Variants in SLC12A1 observed in about 807,000 individuals in gnomAD.
SLC12A1 encodes solute carrier family 12 member 1.
A neutral mutation model predicts 130.4 loss-of-function variants in SLC12A1; 89 were observed. The observed-to-expected ratio is 0.68, with a 90% CI of 0.58 to 0.81. The LOEUF (loss-of-function observed/expected upper bound fraction) is 0.81, where lower values mean the gene tolerates loss of function less well. Ranked by LOEUF, SLC12A1 falls within the 40% of genes least tolerant of loss-of-function variation. The pLI, the probability that SLC12A1 is intolerant of heterozygous loss-of-function variation, is 0.00. For missense variants in SLC12A1, 1,310 were observed against 1,336.4 expected (o/e 0.98, Z 0.31); for synonymous variants, 499 against 460.0 (o/e 1.08, Z -1.09).
At chr15:48,217,554 C>T (rs2041139084) in intron 2 of SLC12A1, among the ~76,000 whole-genome samples, 1 of 152,206 alleles carries the variant, frequency 6.6e-6, no homozygotes, top group Non-Finnish European at 1.5e-5. Context: ...TCAATCTCCT[C>T]TGTTATTCCA....
intron 21 of SLC12A1, 41 bp from the exon 22 acceptor site, chr15:48,288,002 C>T: frequency 1.3e-6 from 2 of 1,587,732 alleles, no homozygotes; most frequent in Non-Finnish European, 1.7e-6. Flanking sequence ...TGTTTCTGCC[C>T]TCAAAAGCAA....
intron 2 of SLC12A1, among the ~76,000 whole-genome samples, chr15:48,220,007 G>A (rs1340520165): frequency 6.6e-6 from 1 of 151,624 alleles, no homozygotes; most frequent in African/African-American, 2.4e-5. Flanking sequence ...TACTCGGGAG[G>A]CTAAGGCACA....
intron 17 of SLC12A1, among the ~76,000 whole-genome samples, chr15:48,260,961 G>A (rs2041767993): frequency 6.6e-6 from 1 of 152,146 alleles, no homozygotes; most frequent in Non-Finnish European, 1.5e-5. Context: ...CAATTATCTG[G>A]TAGGAGATGG....
At chr15:48,301,502 T>TGGCGGG in intron 26 of SLC12A1, 120 bp downstream of exon 26, 1 of 429,450 alleles carries the variant, frequency 2.3e-6, no homozygotes, top group Non-Finnish European at 3.7e-6. Context: ...GTGTTTTTTT[T>TGGCGGG]GGGGGGGGGA....
chr15:48,287,587 C>T (rs778513983), intron 21 of SLC12A1, among the ~76,000 whole-genome samples: 12 of 152,230 alleles, frequency 7.9e-5, no homozygotes, highest in Admixed American at 1.3e-4. Context: ...CCCTAATGAA[C>T]GGATATTTCT....
chr15:48,293,780 C>T (rs1488308912), intron 24 of SLC12A1, among the ~76,000 whole-genome samples: 1 of 152,158 alleles, frequency 6.6e-6, no homozygotes, highest in African/African-American at 2.4e-5. Context: ...CGCTGTGGCT[C>T]ACGCCTGTAA....
chr15:48,220,619 A>G lies in SLC12A1; in HGVS notation c.421-15A>G, dbSNP rs148912103. The G allele has an allele frequency of 9.3e-6, 15 of 1,609,674 alleles. No individual in the cohort carries two copies. In the East Asian group the frequency reaches 2.2e-4, roughly 24 times the overall value. On this transcript the variant is annotated splice_polypyrimidine_tract_variant and intron_variant, in intron 2 of 26. Transcript: ENST00000380993. ...ATTGACCAACTACTGTGTTTTTGCTATCTATAAAATGCAGAATGTGGCAGT... is the reference window on the plus strand; with the variant it reads ...ATTGACCAACTACTGTGTTTTTGCTGTCTATAAAATGCAGAATGTGGCAGT...
intron 4 of SLC12A1, 53 bp downstream of exon 4, chr15:48,221,049 A>G: frequency 4.0e-6 from 6 of 1,507,728 alleles, no homozygotes; most frequent in Non-Finnish European, 4.6e-6. Flanking sequence ...TAAATTCAAT[A>G]AGCAATCTTT....
intron 17 of SLC12A1, among the ~76,000 whole-genome samples, chr15:48,265,102 G>A (rs1484559545): frequency 6.6e-6 from 1 of 151,954 alleles, no homozygotes; most frequent in African/African-American, 2.4e-5. Context: ...TTTTCTCTTT[G>A]CTAGTTTGCT....
intron 7 of SLC12A1, among the ~76,000 whole-genome samples, chr15:48,231,395 A>G (rs2041375622): frequency 6.6e-6 from 1 of 152,230 alleles, no homozygotes; most frequent in Non-Finnish European, 1.5e-5. Flanking sequence ...TCAACAGGAC[A>G]CTGTGATGAA....
chr15:48,291,578 T>C (rs996750061), intron 23 of SLC12A1, among the ~76,000 whole-genome samples, 200 bp from the exon 24 acceptor site: 17 of 152,208 alleles, frequency 1.1e-4, no homozygotes, highest in African/African-American at 3.9e-4. Flanking sequence ...CTTTATGCCT[T>C]CAGTGAAATA....
chr15:48,273,125 C>T (rs2041916019), intron 19 of SLC12A1, among the ~76,000 whole-genome samples: 1 of 148,210 alleles, frequency 6.7e-6, no homozygotes, highest in African/African-American at 2.5e-5. Context: ...AAAAAACCTA[C>T]ACTTGATTAT....
rs1217367612 is a variant in SLC12A1 at position 48,303,658 on chromosome 15, C to G, written c.*773C>G. The G allele has an allele frequency of 6.6e-6, 1 of 152,124 alleles. No individual in the cohort carries two copies. Among genetic ancestry groups the G allele is most frequent in the Admixed American group, 6.5e-5 (1 of 15,274 alleles). The allele number at this position is 152,124 out of a possible 1,614,324, so 9.4% of individuals were successfully genotyped here. A position where few individuals can be genotyped will look rare whatever the true frequency, so the allele number is the denominator to read the frequency against. ...TATAAACTTTAATTGTACTCCCTAT[C>G]AAATATTTTGAAATTTCCATCACGG... On this transcript the variant is annotated 3_prime_UTR_variant, in exon 27 of 27. Transcript: ENST00000380993.
Position 48,240,470 on chromosome 15 carries a change from T to A in SLC12A1, c.1216-1045T>A, listed in dbSNP as rs559872656. ...CCCATAGGGCTGGCTTACTGCCATGTGGGGCAGGTTTGCTTGATTCAGTTG... is the reference window on the plus strand; with the variant it reads ...CCCATAGGGCTGGCTTACTGCCATGAGGGGCAGGTTTGCTTGATTCAGTTG... On this transcript the variant is annotated intron_variant, in intron 9 of 26. Coordinates refer to ENST00000380993, the MANE Select transcript of SLC12A1 (RefSeq NM_000338.3). Among the ~76,000 whole-genome samples, 12 of 152,298 alleles carry A rather than the reference T, an allele frequency of 7.9e-5. No homozygotes were observed. The South Asian group carries it at 2.3e-3, about 29-fold the overall frequency.
chr15:48,207,084 AT>A (rs1277534596), intron 1 of SLC12A1, among the ~76,000 whole-genome samples: 2 of 152,140 alleles, frequency 1.3e-5, no homozygotes, highest in African/African-American at 4.8e-5. Context: ...GCAAGAATAT[AT>A]TTTTTAGAAG....
chr15:48,222,284 G>A (rs2041226319), intron 4 of SLC12A1: 1 of 152,114 alleles, frequency 6.6e-6, no homozygotes, highest in African/African-American at 2.4e-5. Flanking sequence ...AAGGGCAAGA[G>A]TAATTCTTTT....
At chr15:48,301,509 G>GGGGGGGGC in intron 26 of SLC12A1, 127 bp downstream of exon 26, 1 of 506,968 alleles carries the variant, frequency 2.0e-6, no homozygotes, top group Admixed American at 3.2e-5. Flanking sequence ...TTTTGGGGGG[G>GGGGGGGGC]GGAACACGTG....
At chr15:48,218,409 G>A (rs2041153782) in intron 2 of SLC12A1, among the ~76,000 whole-genome samples, 1 of 151,994 alleles carries the variant, frequency 6.6e-6, no homozygotes, top group Non-Finnish European at 1.5e-5. Flanking sequence ...ACAAGGAGAA[G>A]AACAGGCTAG....
chr15:48,209,434 C>T (rs977944201), intron 2 of SLC12A1, among the ~76,000 whole-genome samples: 2 of 152,174 alleles, frequency 1.3e-5, no homozygotes, highest in African/African-American at 4.8e-5. Context: ...TCACCTTTAT[C>T]TTCCTGCTCT....
Sources: gnomAD v4.1 joint callset for allele counts (sites outside exome capture counted in the v4.1 genomes callset) on GRCh38, gnomAD v4.1.1 for gene constraint, MANE v1.5 for transcripts, NCBI Gene and HGNC (gene_info 2026-07-23, HGNC 2026-07-21) for gene names.